Variants in ZFYVE26 observed in about 807,000 individuals in gnomAD.
The protein encoded by ZFYVE26 is zinc finger FYVE domain-containing protein 26.
A neutral mutation model predicts 276.5 loss-of-function variants in ZFYVE26; 181 were observed. The ratio of observed to expected loss-of-function variants is 0.65; its 90% CI spans 0.58 to 0.74. ZFYVE26 has a LOEUF of 0.74. Ranked by LOEUF, ZFYVE26 falls within the 30% of genes least tolerant of loss-of-function variation. The pLI, the probability that ZFYVE26 is intolerant of heterozygous loss-of-function variation, is 0.00. For missense variants in ZFYVE26, 2,821 were observed against 3,097.9 expected, an observed-to-expected ratio of 0.91 and a Z score of 2.12; for synonymous variants, 1,129 against 1,203.1, an observed-to-expected ratio of 0.94 and a Z score of 1.27.
Position 67,778,266 on chromosome 14 carries a change from T to A in ZFYVE26, c.4675-18A>T, listed in dbSNP as rs1295941427. The stretch of plus-strand genomic sequence containing the variant: ...TCATACTCCTGGAAGGAAACACACA[T>A]GCCTTCAACCCCTTTACATGACTGC... On this transcript the variant is annotated intron_variant, in intron 23 of 41. Coordinates refer to ENST00000347230, the MANE Select transcript of ZFYVE26 (RefSeq NM_015346.4). 2 of 1,614,098 alleles carry A rather than the reference T, an allele frequency of 1.2e-6. No individual in the cohort carries two copies. The highest frequency in any genetic ancestry group is 1.1e-5 in the South Asian group (1 of 91,082).
downstream of ZFYVE26, among the ~76,000 whole-genome samples, chr14:67,742,034 A>G (rs1182851290): frequency 1.3e-5 from 2 of 152,234 alleles, no homozygotes; most frequent in African/African-American, 4.8e-5. Flanking sequence ...TCTGATTTCT[A>G]TATACCAAGA....
At chr14:67,815,065 A>C (rs997241466) in intron 2 of ZFYVE26, among the ~76,000 whole-genome samples, 2 of 152,204 alleles carry the variant, frequency 1.3e-5, no homozygotes, top group South Asian at 4.1e-4. Context: ...TTGTTGTATA[A>C]ATACAAAGAG....
intron 13 of ZFYVE26, among the ~76,000 whole-genome samples, chr14:67,732,769 C>G (rs1374782601): frequency 5.3e-5 from 8 of 152,056 alleles, no homozygotes; most frequent in Non-Finnish European, 1.2e-4. Context: ...TTAGTAGAGG[C>G]AGGGTTTCGC....
chr14:67,737,531 G>A (rs1294345921), intron 13 of ZFYVE26, among the ~76,000 whole-genome samples: 1 of 152,130 alleles, frequency 6.6e-6, no homozygotes, highest in Non-Finnish European at 1.5e-5. Context: ...TCATGATTCA[G>A]TCAACTCCCA....
At chr14:67,763,569 T>TG (rs1430387943) in intron 32 of ZFYVE26, among the ~76,000 whole-genome samples, 1 of 152,242 alleles carries the variant, frequency 6.6e-6, no homozygotes, top group Admixed American at 6.5e-5. Context: ...ATAACCTAGG[T>TG]GGGTAGAAGG....
At chr14:67,798,965 TGGGAG>T in intron 10 of ZFYVE26, 1 of 1,126,998 alleles carries the variant, frequency 8.9e-7, no homozygotes, top group Non-Finnish European at 1.3e-6. Flanking sequence ...GCGGTTTCGG[TGGGAG>T]GGGCGGGGGT....
chr14:67,771,772 C>T (rs182679713), intron 28 of ZFYVE26, among the ~76,000 whole-genome samples: 1 of 152,156 alleles, frequency 6.6e-6, no homozygotes, highest in African/African-American at 2.4e-5. Flanking sequence ...ACAAGATCCA[C>T]TGACACCTGT....
At chr14:67,814,279 G>A (rs2040356712) in intron 2 of ZFYVE26, among the ~76,000 whole-genome samples, 1 of 152,158 alleles carries the variant, frequency 6.6e-6, no homozygotes, top group Non-Finnish European at 1.5e-5. Flanking sequence ...AGCACTTTGG[G>A]AGGCTGAGGT....
chr14:67,761,601 C>T lies in ZFYVE26; in HGVS notation c.6370-17G>A, dbSNP rs768070053. 1.1e-5 allele frequency: 17 copies of T among 1,610,084 alleles called. No homozygotes were observed. The African/African-American group carries it at 1.6e-4, about 15-fold the overall frequency. On this transcript the variant is annotated splice_polypyrimidine_tract_variant and intron_variant, in intron 34 of 41. Coordinates refer to ENST00000347230, the MANE Select transcript of ZFYVE26 (RefSeq NM_015346.4). ...GTCATCTTGCTGACAGCACAGGGAG[C>T]GAGAGAGAAAAATGAAACTCAAAAA...
intron 3 of ZFYVE26, 96 bp from the exon 4 acceptor site, chr14:67,809,385 C>A: frequency 1.3e-6 from 1 of 778,718 alleles, no homozygotes; most frequent in Non-Finnish European, 2.1e-6. Flanking sequence ...CTTATTTCTG[C>A]TATTTCTCTA....
At position 67,766,492 on chromosome 14, in the gene ZFYVE26, C is replaced by T. The variant is rs2039063797; in HGVS notation, c.5791-45G>A. ...GGAGAACACACGGTGAGTCCAGGGG[C>T]CAGAGCATTCTCCAAAGGCAGCTGG... On this transcript the variant is annotated intron_variant, in intron 31 of 41. Coordinates refer to ENST00000347230, the MANE Select transcript of ZFYVE26 (RefSeq NM_015346.4). The T allele has an allele frequency of 2.5e-6, 4 of 1,577,916 alleles. No individual in the cohort carries two copies. In the East Asian group the frequency reaches 9.0e-5, roughly 35 times the overall value.
Position 67,788,121 on chromosome 14 carries a change from TG to T in ZFYVE26, c.3019+1213del, listed in dbSNP as rs2039703791. On this transcript the variant is annotated intron_variant, in intron 16 of 41. Coordinates refer to ENST00000347230, the MANE Select transcript of ZFYVE26 (RefSeq NM_015346.4). Reference sequence around the variant, plus strand: ...AAAAACCGTGGGTGGTTGGGTGCGGTGGCTCACGCCTATAATCCCAGCACTT... The same window carrying T: ...AAAAACCGTGGGTGGTTGGGTGCGGTGCTCACGCCTATAATCCCAGCACTT... Among the ~76,000 whole-genome samples the T allele has an allele frequency of 4.7e-5, 7 of 150,224 alleles. No individual in the cohort carries two copies. In the Admixed American group the frequency reaches 4.7e-4, roughly 10 times the overall value.
At chr14:67,776,326 G>A (rs2039342602) in intron 25 of ZFYVE26, among the ~76,000 whole-genome samples, 1 of 152,238 alleles carries the variant, frequency 6.6e-6, no homozygotes, top group South Asian at 2.1e-4. Context: ...TGAGGGGTTA[G>A]TAAACTTTTC....
rs1863987698 is a variant in ZFYVE26 at position 67,754,273 on chromosome 14, G to A, written c.6987-61C>T. 2.5e-6 allele frequency: 4 copies of A among 1,606,358 alleles called. No homozygotes were observed. The South Asian group carries it at 4.4e-5, about 18-fold the overall frequency. ...AGGGGCCCCAGGTGACTGAGGCCAG[G>A]AGACTGAGAAGTCGAATAATATGGC... On this transcript the variant is annotated intron_variant, in intron 37 of 41. Transcript: ENST00000347230.
chr14:67,766,145 A>G lies in ZFYVE26; in HGVS notation c.6011+82T>C, dbSNP rs923939379. On this transcript the variant is annotated intron_variant, in intron 32 of 41. Coordinates refer to ENST00000347230, the MANE Select transcript of ZFYVE26 (RefSeq NM_015346.4). ...GTCTTGTCAGAGAGGATGGTGAGAT[A>G]AAAAAATCACAGTGGGGTCAGAAAA... is the stretch of plus-strand genomic sequence containing the variant. The G allele has an allele frequency of 2.4e-5, 32 of 1,351,256 alleles. No homozygotes were observed. In the African/African-American group the frequency reaches 3.4e-4, roughly 15 times the overall value. 83.7% of individuals were successfully genotyped at this position (1,351,256 alleles called of 1,614,324 possible).
chr14:67,772,035 G>C lies in ZFYVE26; in HGVS notation c.5484+12C>G. The C allele has an allele frequency of 6.2e-7, 1 of 1,609,680 alleles. No individual in the cohort carries two copies. Among genetic ancestry groups the C allele is most frequent in the Non-Finnish European group, 8.5e-7 (1 of 1,178,774 alleles). Reference sequence around the variant, plus strand: ...TCTCCTGAGGGTGACAGTGGAGACCGATGCTGCTTACCATGGTGAAGTGCT... The same window carrying C: ...TCTCCTGAGGGTGACAGTGGAGACCCATGCTGCTTACCATGGTGAAGTGCT... On this transcript the variant is annotated intron_variant, in intron 28 of 41. Coordinates refer to ENST00000347230, the MANE Select transcript of ZFYVE26 (RefSeq NM_015346.4).
chr14:67,734,010 C>A (rs1267161215), intron 13 of ZFYVE26: 3 of 598,244 alleles, frequency 5.0e-6, no homozygotes, highest in African/African-American at 1.8e-5. Context: ...GCACACCTGA[C>A]ACTCTTGTGA....
intron 23 of ZFYVE26, among the ~76,000 whole-genome samples, chr14:67,779,930 G>T (rs938607501): frequency 6.6e-6 from 1 of 152,112 alleles, no homozygotes; most frequent in African/African-American, 2.4e-5. Context: ...AGAGTGCAGT[G>T]GTGCGATCTC....
intron 40 of ZFYVE26, chr14:67,751,644 T>A (rs1177369709): frequency 5.3e-6 from 1 of 187,618 alleles, no homozygotes; most frequent in Non-Finnish European, 1.1e-5. Context: ...GAGGCCGAGG[T>A]GGGTAGATCA....
Sources: allele counts gnomAD v4.1 joint callset (sites outside exome capture counted in the v4.1 genomes callset), GRCh38; gene constraint gnomAD v4.1.1; transcripts MANE v1.5; gene names NCBI Gene and HGNC (gene_info 2026-07-23, HGNC 2026-07-21).